MAP4K5: variants seen among roughly 807,000 people sequenced by gnomAD.
MAP4K5 encodes the protein MAPK/ERK kinase kinase kinase 5.
In MAP4K5, 82 loss-of-function variants were observed where a neutral mutation model predicts 135.6. That is an observed-to-expected ratio of 0.60 (90% CI 0.51 to 0.73). The LOEUF is 0.73. MAP4K5 is among the 30% of genes least tolerant of loss of function. The probability of loss-of-function intolerance (pLI) is 0.00; values close to 1 mark genes in which losing one functional copy is unlikely to be tolerated. For missense variants in MAP4K5, 907 were observed against 1,010.9 expected (o/e 0.90, Z 1.39); for synonymous variants, 347 against 335.0 (o/e 1.04, Z -0.39).
At chr14:50,560,205 G>T in intron 1 of MAP4K5, 1 of 1,603,400 alleles carries the variant, frequency 6.2e-7, no homozygotes, top group East Asian at 2.3e-5. Context: ...GCAACCTGCG[G>T]CCCCGGAGAA....
chr14:50,512,117 T>TA (rs2037942453), intron 2 of MAP4K5, among the ~76,000 whole-genome samples: 1 of 152,134 alleles, frequency 6.6e-6, no homozygotes, highest in Non-Finnish European at 1.5e-5. Context: ...AAGATGTTAA[T>TA]AAAAGACAAA....
chr14:50,438,643 AACAAT>A (rs1595435761), intron 23 of MAP4K5, among the ~76,000 whole-genome samples: 1 of 152,178 alleles, frequency 6.6e-6, no homozygotes, highest in East Asian at 1.9e-4. Flanking sequence ...ATGATAATAT[AACAAT>A]ACAAAACAAT....
intron 3 of MAP4K5, among the ~76,000 whole-genome samples, chr14:50,497,249 T>C (rs1334282090): frequency 6.6e-6 from 1 of 152,210 alleles, no homozygotes; most frequent in Admixed American, 6.5e-5. Context: ...GAATGTACAA[T>C]GTTAAACAGA....
intron 31 of MAP4K5, among the ~76,000 whole-genome samples, chr14:50,424,379 A>C (rs1477533958): frequency 1.3e-5 from 2 of 152,150 alleles, no homozygotes; most frequent in African/African-American, 4.8e-5. Context: ...CCCAAGTTGA[A>C]GGATGAGAAC....
chr14:50,456,680 A>T, intron 13 of MAP4K5, 86 bp from the exon 14 acceptor site: 1 of 769,208 alleles, frequency 1.3e-6, no homozygotes, highest in Non-Finnish European at 2.1e-6. Flanking sequence ...TTATTGATAA[A>T]TATGAATATC....
intron 3 of MAP4K5, among the ~76,000 whole-genome samples, chr14:50,498,756 T>C (rs1191440087): frequency 6.6e-6 from 1 of 152,238 alleles, no homozygotes; most frequent in African/African-American, 2.4e-5. Context: ...AAAAAAATTT[T>C]TGTTTATGTA....
At chr14:50,531,751 C>T (rs1005464291) in intron 2 of MAP4K5, among the ~76,000 whole-genome samples, 191 bp downstream of exon 2, 1 of 152,170 alleles carries the variant, frequency 6.6e-6, no homozygotes, top group Non-Finnish European at 1.5e-5. Context: ...GTTAGTTCTG[C>T]CTGTTGGTAG....
chr14:50,496,423 A>G (rs2037594472), intron 3 of MAP4K5, among the ~76,000 whole-genome samples: 1 of 152,194 alleles, frequency 6.6e-6, no homozygotes, highest in Admixed American at 6.5e-5. Flanking sequence ...AAATGATGTG[A>G]GCATAGCCTA....
At chr14:50,502,594 C>G (rs191696401) in intron 3 of MAP4K5, among the ~76,000 whole-genome samples, 232 of 152,000 alleles carry the variant, frequency 1.5e-3, no homozygotes, top group Non-Finnish European at 2.2e-3. Flanking sequence ...CTTTTTTCTT[C>G]TTGATAAAAA....
intron 14 of MAP4K5, among the ~76,000 whole-genome samples, chr14:50,453,441 A>G (rs2036535012): frequency 6.6e-6 from 1 of 152,190 alleles, no homozygotes. Flanking sequence ...TACTTTGTAC[A>G]TGTAAAGTTT....
At position 50,523,225 on chromosome 14, in the gene MAP4K5, C is replaced by T. The variant is rs2131838; in HGVS notation, c.108+8717G>A. 4.3e-4 allele frequency among the ~76,000 whole-genome samples: 66 copies of T among 152,022 alleles called. No individual in the cohort carries two copies. The East Asian group carries it at 0.01, about 23-fold the overall frequency. The stretch of plus-strand genomic sequence containing the variant: ...ACTAGGGAGGCTGAGGCAGGAGAAT[C>T]GCTTGAACCTGGGAGGTGGAGGTTG... On this transcript the variant is annotated intron_variant, in intron 2 of 32. Coordinates refer to ENST00000682126, the MANE Select transcript of MAP4K5 (RefSeq NM_006575.6).
intron 3 of MAP4K5, among the ~76,000 whole-genome samples, chr14:50,496,672 C>A (rs911931336): frequency 6.6e-6 from 1 of 151,664 alleles, no homozygotes; most frequent in South Asian, 2.1e-4. Context: ...CCGTGCTCTG[C>A]TAATTTTTAA....
chr14:50,436,055 A>T (rs981220678), intron 26 of MAP4K5, among the ~76,000 whole-genome samples: 4 of 152,194 alleles, frequency 2.6e-5, no homozygotes, highest in African/African-American at 9.6e-5. Flanking sequence ...AGTATGGACT[A>T]TGCTGTGAAA....
intron 2 of MAP4K5, among the ~76,000 whole-genome samples, chr14:50,523,102 G>A (rs985728530): frequency 7.2e-5 from 11 of 152,088 alleles, no homozygotes; most frequent in Admixed American, 2.6e-4. Context: ...ACCTGAGGTC[G>A]GGAGTTCGAG....
chr14:50,478,907 T>A (rs2037168927), intron 6 of MAP4K5, among the ~76,000 whole-genome samples: 1 of 152,140 alleles, frequency 6.6e-6, no homozygotes, highest in Non-Finnish European at 1.5e-5. Context: ...ATTCCTTGTC[T>A]TTGTTCTTTT....
chr14:50,477,497 C>T (rs1189089057), intron 6 of MAP4K5, among the ~76,000 whole-genome samples: 1 of 152,132 alleles, frequency 6.6e-6, no homozygotes, highest in Non-Finnish European at 1.5e-5. Context: ...GCTGAAACCT[C>T]TAGGACAATG....
intron 16 of MAP4K5, among the ~76,000 whole-genome samples, chr14:50,446,890 T>TA (rs1240342426): frequency 6.6e-6 from 1 of 152,254 alleles, no homozygotes; most frequent in African/African-American, 2.4e-5. Flanking sequence ...TTTTCATGTG[T>TA]AATAAAATAT....
At chr14:50,432,048 G>T (rs2035983332) in intron 28 of MAP4K5, among the ~76,000 whole-genome samples, 1 of 152,152 alleles carries the variant, frequency 6.6e-6, no homozygotes, top group South Asian at 2.1e-4. Flanking sequence ...TGTCCCTCAG[G>T]TAACACTTCA....
rs556641580 is a variant in MAP4K5, at chr14:50,419,085, T to C, written c.*934A>G. 6.6e-6 allele frequency: 1 copy of C among 152,202 alleles called. No homozygotes were observed. The highest frequency in any genetic ancestry group is 2.1e-4 in the South Asian group (1 of 4,826). 9.4% of individuals were successfully genotyped at this position (152,202 alleles called of 1,614,324 possible). On this transcript the variant is annotated 3_prime_UTR_variant, in exon 33 of 33. Coordinates refer to ENST00000682126, the MANE Select transcript of MAP4K5 (RefSeq NM_006575.6). ...CCTCTCTGGCATAGTATAAGTAAAATACATATCATGGGCAATTAAATACTT... is the reference window on the plus strand; with the variant it reads ...CCTCTCTGGCATAGTATAAGTAAAACACATATCATGGGCAATTAAATACTT...
Sources: allele counts gnomAD v4.1 joint callset (sites outside exome capture counted in the v4.1 genomes callset), GRCh38; gene constraint gnomAD v4.1.1; transcripts MANE v1.5; gene names NCBI Gene and HGNC (gene_info 2026-07-23, HGNC 2026-07-21).